Variants in TNFRSF21 observed in about 807,000 individuals in gnomAD.
TNFRSF21 encodes the protein tumor necrosis factor receptor superfamily member 21.
A neutral mutation model predicts 45.6 loss-of-function variants in TNFRSF21; 19 were observed. The observed-to-expected ratio is 0.42, with a 90% confidence interval of 0.29 to 0.61. The LOEUF (loss-of-function observed/expected upper bound fraction) is 0.61. Ranked by LOEUF, TNFRSF21 falls within the 20% of genes least tolerant of loss-of-function variation. The probability of loss-of-function intolerance (pLI) is 0.23; values close to 1 mark genes in which losing one functional copy is unlikely to be tolerated. For missense variants in TNFRSF21, 737 were observed against 851.5 expected (o/e 0.87, Z 1.67); for synonymous variants, 314 against 335.5 (o/e 0.94, Z 0.70).
rs528632814 is a variant in TNFRSF21 at position 47,299,434 on chromosome 6, C to T, written c.96+9982G>A. Among the ~76,000 whole-genome samples, 155 of 152,180 alleles carry T rather than the reference C, an allele frequency of 1.0e-3. 1 individual carries two copies. Among genetic ancestry groups the T allele is most frequent in the Non-Finnish European group, 1.7e-3 (116 of 68,000 alleles). On this transcript the variant is annotated intron_variant, in intron 1 of 5. Transcript: ENST00000296861. ...GCTTGAACCTGGGAGGAAGAGGTTGCAGTGAGCTGAGATCACGCCACCTAC... is the reference window on the plus strand; with the variant it reads ...GCTTGAACCTGGGAGGAAGAGGTTGTAGTGAGCTGAGATCACGCCACCTAC...
At position 47,284,178 on chromosome 6, in the gene TNFRSF21, G is replaced by A. The variant is rs1561949145; in HGVS notation, c.1003C>T (p.His335Tyr). The A allele has an allele frequency of 1.9e-6, 3 of 1,614,224 alleles. No homozygotes were observed. Among genetic ancestry groups the A allele is most frequent in the Non-Finnish European group, 2.5e-6 (3 of 1,180,044 alleles). Residue 335 changes from histidine to tyrosine, a missense_variant, in exon 3 of 6, where the codon CAT becomes TAT. Coordinates refer to ENST00000296861, the MANE Select transcript of TNFRSF21 (RefSeq NM_014452.5). ...STPIKGPKRG[H>Y]PRQNLHKHFD... ...TGCTTGTGTAGGTTCTGTCTAGGAT[G>A]TCCCCTCTTGGGGCCCTTGATGGGC...
At chr6:47,282,687 A>G (rs929392508) in intron 3 of TNFRSF21, among the ~76,000 whole-genome samples, 2 of 152,216 alleles carry the variant, frequency 1.3e-5, no homozygotes, top group African/African-American at 4.8e-5. Flanking sequence ...ATTTCCATTC[A>G]GTCTTATTCT....
chr6:47,236,979 C>T (rs2295272), intron 4 of TNFRSF21, among the ~76,000 whole-genome samples: 46,879 of 146,944 alleles, frequency 0.32, 8,134 homozygotes, highest in East Asian at 0.57. Context: ...TGTTTAATTT[C>T]CCCCCCCGAT....
chr6:47,251,680 T>C (rs1027380882), intron 4 of TNFRSF21, among the ~76,000 whole-genome samples: 69 of 152,204 alleles, frequency 4.5e-4, no homozygotes, highest in Non-Finnish European at 1.2e-4. Flanking sequence ...CTTAGGCTTG[T>C]CTTCCAGCTC....
At chr6:47,293,544 A>G (rs146535066) in intron 1 of TNFRSF21, among the ~76,000 whole-genome samples, 68 of 152,304 alleles carry the variant, frequency 4.5e-4, no homozygotes, top group African/African-American at 1.1e-3. Context: ...CCAGCCTTTT[A>G]CAGAGAAAGT....
At chr6:47,290,239 A>C (rs747813718) in intron 1 of TNFRSF21, among the ~76,000 whole-genome samples, 7 of 152,168 alleles carry the variant, frequency 4.6e-5, no homozygotes, top group Non-Finnish European at 1.0e-4. Flanking sequence ...CTGGGCAGGG[A>C]GCGGTGGTCG....
chr6:47,289,930 G>A (rs1265588265), intron 1 of TNFRSF21, among the ~76,000 whole-genome samples: 1 of 152,088 alleles, frequency 6.6e-6, no homozygotes, highest in Admixed American at 6.6e-5. Context: ...GGAGGCGGAG[G>A]TTGCAGTGAG....
At chr6:47,280,172 G>A (rs974336489) in intron 3 of TNFRSF21, among the ~76,000 whole-genome samples, 1 of 152,222 alleles carries the variant, frequency 6.6e-6, no homozygotes, top group Non-Finnish European at 1.5e-5. Context: ...TTGTTCTACT[G>A]AGGGTAGGCA....
At chr6:47,250,174 CAG>C (rs1378446719) in intron 4 of TNFRSF21, among the ~76,000 whole-genome samples, 3 of 151,916 alleles carry the variant, frequency 2.0e-5, no homozygotes, top group African/African-American at 7.2e-5. Context: ...TAAATAAAGA[CAG>C]AGAAAAAAAT....
At chr6:47,246,388 C>T (rs542783786) in intron 4 of TNFRSF21, among the ~76,000 whole-genome samples, 1 of 152,342 alleles carries the variant, frequency 6.6e-6, no homozygotes, top group African/African-American at 2.4e-5. Flanking sequence ...TTACACTCAC[C>T]TCTATTTCTC....
intron 3 of TNFRSF21, among the ~76,000 whole-genome samples, chr6:47,261,015 T>C (rs1045558103): frequency 6.6e-6 from 1 of 152,100 alleles, no homozygotes; most frequent in African/African-American, 2.4e-5. Flanking sequence ...CTGTGCCAGT[T>C]TCTCAACACA....
intron 1 of TNFRSF21, among the ~76,000 whole-genome samples, chr6:47,288,788 A>C (rs1222041286): frequency 2.0e-5 from 3 of 152,184 alleles, no homozygotes; most frequent in Non-Finnish European, 4.4e-5. Context: ...ACATGAAGCT[A>C]AACTTTTATT....
At chr6:47,284,503 T>C (rs1762620032) in intron 2 of TNFRSF21, 71 bp from the exon 3 acceptor site, 1 of 1,447,464 alleles carries the variant, frequency 6.9e-7, no homozygotes. Flanking sequence ...CTCCTTTCCC[T>C]GGTCATCTCC....
chr6:47,288,514 AC>A (rs1762678494), intron 1 of TNFRSF21, among the ~76,000 whole-genome samples: 1 of 151,850 alleles, frequency 6.6e-6, no homozygotes, highest in African/African-American at 2.4e-5. Context: ...AAATCTGTAT[AC>A]CCTTTTTAGT....
At chr6:47,294,335 G>C (rs1290595531) in intron 1 of TNFRSF21, among the ~76,000 whole-genome samples, 1 of 152,144 alleles carries the variant, frequency 6.6e-6, no homozygotes, top group Non-Finnish European at 1.5e-5. Flanking sequence ...GTAGAGACAG[G>C]GTTTCACCAT....
At position 47,306,407 on chromosome 6, in the gene TNFRSF21, G is replaced by A. The variant is rs573459449; in HGVS notation, c.96+3009C>T. ...ACAGGGCTAAGGGAGGACATGAGCT[G>A]AAGAGCCAGGCAGTCCTGGGTTCTG... On this transcript the variant is annotated intron_variant, in intron 1 of 5. Transcript: ENST00000296861. Among the ~76,000 whole-genome samples the A allele has an allele frequency of 1.3e-4, 20 of 152,326 alleles. No homozygotes were observed. The East Asian group carries it at 3.1e-3, about 23-fold the overall frequency.
intron 3 of TNFRSF21, among the ~76,000 whole-genome samples, chr6:47,264,699 G>A (rs1352236490): frequency 6.6e-6 from 1 of 152,148 alleles, no homozygotes; most frequent in Non-Finnish European, 1.5e-5. Context: ...CCTGCCAACA[G>A]TTTTGGGTGC....
At chr6:47,265,182 T>C (rs1280037013) in intron 3 of TNFRSF21, among the ~76,000 whole-genome samples, 3 of 152,170 alleles carry the variant, frequency 2.0e-5, no homozygotes, top group Non-Finnish European at 2.9e-5. Context: ...AAAACAGCCT[T>C]GTAGAGCCTT....
In TNFRSF21 at chr6:47,286,121, C is replaced by A; in HGVS notation, c.571G>T (p.Asp191Tyr). The change falls in exon 2 of 6, where the codon GAC becomes TAC. Residue 191 changes from aspartate (D) to tyrosine (Y), a missense_variant. Asp to Tyr is a radical substitution (Grantham distance 160, BLOSUM62 -3). Coordinates refer to ENST00000296861, the MANE Select transcript of TNFRSF21 (RefSeq NM_014452.5). ...ACCACCAGGTTCTGACTCAGACAGT[C>A]TGTGTATGCTTTGCATTTCATCACA... is the stretch of plus-strand genomic sequence containing the variant. Reference protein sequence around the residue: ...SSVMKCKAYTDCLSQNLVVIK... With the variant: ...SSVMKCKAYTYCLSQNLVVIK... 1.2e-6 allele frequency: 2 copies of A among 1,614,228 alleles called. No homozygotes were observed. The highest frequency in any genetic ancestry group is 1.7e-6 in the Non-Finnish European group (2 of 1,180,040).
Sources: gnomAD v4.1 joint callset for allele counts (sites outside exome capture counted in the v4.1 genomes callset) on GRCh38, gnomAD v4.1.1 for gene constraint, MANE v1.5 for transcripts, NCBI Gene and HGNC (gene_info 2026-07-23, HGNC 2026-07-21) for gene names.